The following DPYD variants were observed in gnomAD, a reference collection of about 807,000 sequenced individuals.
DPYD encodes the protein dihydropyrimidine dehydrogenase.
DPYD carries 109 observed loss-of-function variants against 116.2 expected under a neutral mutation model. The observed-to-expected ratio is 0.94, with a 90% CI of 0.80 to 1.10. DPYD has a LOEUF of 1.10. Among genes scored for constraint, DPYD ranks in the 50% least tolerant of loss-of-function variants. The pLI, the probability that DPYD is intolerant of heterozygous loss-of-function variation, is 0.00. For missense variants in DPYD, 1,302 were observed against 1,254.5 expected, an observed-to-expected ratio of 1.04 and a Z score of -0.57; for synonymous variants, 440 against 432.0, an observed-to-expected ratio of 1.02 and a Z score of -0.23.
intron 10 of DPYD, among the ~76,000 whole-genome samples, chr1:97,590,411 C>A (rs1429713659): frequency 6.6e-6 from 1 of 152,140 alleles, no homozygotes; most frequent in East Asian, 1.9e-4. Flanking sequence ...AATATTCATT[C>A]CACAATTATT....
rs977097196 is a variant in DPYD at position 97,226,583 on chromosome 1, C to T, written c.2442+8269G>A. 2.0e-5 allele frequency among the ~76,000 whole-genome samples: 3 copies of T among 151,846 alleles called. No homozygotes were observed. In the South Asian group the frequency reaches 6.2e-4, roughly 32 times the overall value. On this transcript the variant is annotated intron_variant, in intron 19 of 22. Transcript: ENST00000370192. The stretch of plus-strand genomic sequence containing the variant: ...AATTAGTGATGTTTCTATAAATTAA[C>T]AAAAAATTATCCAAAAAAGAAATCA...
chr1:97,502,604 C>T lies in DPYD; in HGVS notation c.1740+13122G>A, dbSNP rs555420338. Among the ~76,000 whole-genome samples, 10 of 151,910 alleles carry T rather than the reference C, an allele frequency of 6.6e-5. No individual in the cohort carries two copies. The South Asian group carries it at 1.3e-3, about 19-fold the overall frequency. On this transcript the variant is annotated intron_variant, in intron 13 of 22. Transcript: ENST00000370192. ...TCCACTCTGACGGTGGTGTGGAGGC[C>T]GGAATTTAGGATAAGAGTAGAAGCA...
At chr1:97,479,319 A>G (rs1227617993) in intron 13 of DPYD, among the ~76,000 whole-genome samples, 1 of 152,206 alleles carries the variant, frequency 6.6e-6, no homozygotes, top group Non-Finnish European at 1.5e-5. Context: ...GAACACTTAG[A>G]GAACACTGTT....
At position 97,373,628 on chromosome 1, in the gene DPYD, G is replaced by A. The variant is rs749982106; in HGVS notation, c.1991C>T (p.Ala664Val). Residue 664 changes from alanine to valine, a missense_variant, in exon 16 of 23, where the codon GCC becomes GTC. By Grantham distance (64) the Ala-to-Val change is moderately conservative (BLOSUM62 0). Coordinates refer to ENST00000370192, the MANE Select transcript of DPYD (RefSeq NM_000110.4). ...AKKSEDSGAD[A>V]LELNLSCPHG... ...TGGACATGATAAATTTAACTCCAGGGCATCTGCTCCAGAATCCTTTAAACA... is the reference window on the plus strand; with the variant it reads ...TGGACATGATAAATTTAACTCCAGGACATCTGCTCCAGAATCCTTTAAACA... 6.2e-7 allele frequency: 1 copy of A among 1,613,742 alleles called. No homozygotes were observed. Among genetic ancestry groups the A allele is most frequent in the South Asian group, 1.1e-5 (1 of 91,064 alleles).
At chr1:97,676,238 C>A (rs1047114285) in intron 8 of DPYD, among the ~76,000 whole-genome samples, 4 of 152,140 alleles carry the variant, frequency 2.6e-5, no homozygotes, top group Admixed American at 1.3e-4. Context: ...TGATTCTAGA[C>A]GTTTGATGGG....
At chr1:97,260,131 C>T (rs1437901581) in intron 18 of DPYD, among the ~76,000 whole-genome samples, 1 of 152,086 alleles carries the variant, frequency 6.6e-6, no homozygotes, top group Non-Finnish European at 1.5e-5. Context: ...AATAAATGTG[C>T]TTTATTCCTA....
intron 11 of DPYD, among the ~76,000 whole-genome samples, chr1:97,554,052 A>G (rs1651512012): frequency 6.6e-6 from 1 of 152,142 alleles, no homozygotes; most frequent in African/African-American, 2.4e-5. Context: ...TTGAAATTGG[A>G]ACTTTTAGTC....
At chr1:97,550,440 GT>G (rs1428396753) in intron 11 of DPYD, among the ~76,000 whole-genome samples, 2 of 152,094 alleles carry the variant, frequency 1.3e-5, no homozygotes, top group African/African-American at 4.8e-5. Flanking sequence ...ATCTAAAAGA[GT>G]CATGGAAGAG....
chr1:97,762,566 C>CT (rs757320569), intron 3 of DPYD, among the ~76,000 whole-genome samples: 1 of 152,110 alleles, frequency 6.6e-6, no homozygotes, highest in Non-Finnish European at 1.5e-5. Flanking sequence ...TATTTTAAAA[C>CT]TGCTTAGATT....
chr1:97,838,771 G>A (rs1436364715), intron 2 of DPYD, among the ~76,000 whole-genome samples: 2 of 152,156 alleles, frequency 1.3e-5, no homozygotes, highest in African/African-American at 2.4e-5. Context: ...CGTGAACCCG[G>A]GAGGCGGAGC....
intron 20 of DPYD, among the ~76,000 whole-genome samples, chr1:97,144,877 T>C (rs1477842546): frequency 6.6e-6 from 1 of 152,206 alleles, no homozygotes; most frequent in Non-Finnish European, 1.5e-5. Context: ...ACTGCCAAAA[T>C]GGCATCAGTT....
At chr1:97,809,907 A>T (rs1668263697) in intron 3 of DPYD, among the ~76,000 whole-genome samples, 1 of 152,154 alleles carries the variant, frequency 6.6e-6, no homozygotes, top group Non-Finnish European at 1.5e-5. Context: ...CAAAGGATCC[A>T]TAGGTGTCTA....
chr1:97,821,812 C>A (rs1250837962), intron 3 of DPYD, among the ~76,000 whole-genome samples: 2 of 152,038 alleles, frequency 1.3e-5, no homozygotes, highest in East Asian at 3.8e-4. Context: ...AAAATGTATA[C>A]AAACATTATA....
intron 8 of DPYD, among the ~76,000 whole-genome samples, chr1:97,670,523 G>C (rs1313900190): frequency 2.0e-5 from 3 of 152,164 alleles, no homozygotes; most frequent in Non-Finnish European, 2.9e-5. Context: ...GCCAGGAAGA[G>C]GGCCTTCACC....
chr1:97,899,386 C>T (rs527942249), intron 1 of DPYD, among the ~76,000 whole-genome samples: 2 of 152,008 alleles, frequency 1.3e-5, no homozygotes, highest in African/African-American at 2.4e-5. Context: ...TGGGAGAGGA[C>T]AACTGAAAGC....
At chr1:97,292,009 C>A (rs1010869610) in intron 18 of DPYD, among the ~76,000 whole-genome samples, 5 of 152,048 alleles carry the variant, frequency 3.3e-5, no homozygotes, top group Non-Finnish European at 7.4e-5. Context: ...ATGCGTTATA[C>A]CCCACATTAG....
At chr1:97,230,740 C>T (rs1046749047) in intron 19 of DPYD, among the ~76,000 whole-genome samples, 1 of 152,122 alleles carries the variant, frequency 6.6e-6, no homozygotes, top group African/African-American at 2.4e-5. Context: ...AGGGTCATGA[C>T]AGCCATGTGA....
At chr1:97,737,001 T>G (rs925541347) in intron 4 of DPYD, among the ~76,000 whole-genome samples, 3 of 152,210 alleles carry the variant, frequency 2.0e-5, no homozygotes, top group Non-Finnish European at 2.9e-5. Context: ...CATTACCCAC[T>G]TTTATAAAAT....
chr1:97,360,153 A>G (rs1570590423), intron 16 of DPYD, among the ~76,000 whole-genome samples: 1 of 152,184 alleles, frequency 6.6e-6, no homozygotes, highest in African/African-American at 2.4e-5. Flanking sequence ...AGAGGTTGCA[A>G]TAATAGTACC....
Sources: gnomAD v4.1 joint callset for allele counts (sites outside exome capture counted in the v4.1 genomes callset) on GRCh38, gnomAD v4.1.1 for gene constraint, MANE v1.5 for transcripts, NCBI Gene and HGNC (gene_info 2026-07-23, HGNC 2026-07-21) for gene names.